The following PBX1 variants were observed in gnomAD, a reference collection of about 807,000 sequenced individuals.
PBX1 encodes pre-B-cell leukemia transcription factor 1.
PBX1 carries 6 observed loss-of-function variants against 53.4 expected under a neutral mutation model. That is an observed-to-expected ratio of 0.11 (90% CI 0.06 to 0.22). The LOEUF (loss-of-function observed/expected upper bound fraction) is 0.22. Ranked by LOEUF, PBX1 falls within the 10% of genes least tolerant of loss-of-function variation. The pLI is 1.00. For missense variants in PBX1, 251 were observed against 551.4 expected, an observed-to-expected ratio of 0.46 and a Z score of 5.46; for synonymous variants, 204 against 212.3, an observed-to-expected ratio of 0.96 and a Z score of 0.34.
At chr1:164,579,271 C>T (rs1169397625) in intron 2 of PBX1, among the ~76,000 whole-genome samples, 1 of 152,170 alleles carries the variant, frequency 6.6e-6, no homozygotes, top group East Asian at 1.9e-4. Context: ...TACATGTAGA[C>T]AATTTGTGCA....
At chr1:164,846,310 G>T (rs920464596) in intron 8 of PBX1, among the ~76,000 whole-genome samples, 1 of 152,140 alleles carries the variant, frequency 6.6e-6, no homozygotes, top group Non-Finnish European at 1.5e-5. Flanking sequence ...TTCACTGCTG[G>T]CTGGGACTTA....
chr1:164,655,109 T>TA (rs1553225110), intron 2 of PBX1, among the ~76,000 whole-genome samples: 1 of 150,680 alleles, frequency 6.6e-6, no homozygotes, highest in African/African-American at 2.5e-5. Flanking sequence ...TGTTTTTTTT[T>TA]TTTTTTTATT....
chr1:164,819,961 T>C (rs1670070852), intron 6 of PBX1, 111 bp from the exon 7 acceptor site: 1 of 651,330 alleles, frequency 1.5e-6, no homozygotes, highest in South Asian at 1.9e-5. Flanking sequence ...TTTATTTTAG[T>C]TTTTATTTGG....
intron 1 of PBX1, chr1:164,560,363 A>AAAGTAAC: frequency 2.5e-6 from 1 of 397,114 alleles, no homozygotes; most frequent in Non-Finnish European, 4.4e-6. Flanking sequence ...GTATCAGAGA[A>AAAGTAAC]AGCAGAATTG....
At chr1:164,742,814 T>C (rs1665682460) in intron 2 of PBX1, among the ~76,000 whole-genome samples, 1 of 152,228 alleles carries the variant, frequency 6.6e-6, no homozygotes, top group Admixed American at 6.5e-5. Context: ...TTTATTTAAA[T>C]ATCTACAGAA....
intron 8 of PBX1, among the ~76,000 whole-genome samples, chr1:164,835,481 A>G (rs1375494827): frequency 2.0e-5 from 3 of 151,904 alleles, no homozygotes; most frequent in Non-Finnish European, 4.4e-5. Flanking sequence ...CACACCCTCA[A>G]CTGTTTTTCA....
intron 2 of PBX1, among the ~76,000 whole-genome samples, chr1:164,718,863 G>C (rs943914124): frequency 6.6e-6 from 1 of 152,186 alleles, no homozygotes; most frequent in Non-Finnish European, 1.5e-5. Flanking sequence ...GTTGTGACTT[G>C]CAAGTAAGGC....
chr1:164,878,917 G>A (rs545545835), intron 2 of PBX1, among the ~76,000 whole-genome samples: 9 of 152,232 alleles, frequency 5.9e-5, no homozygotes, highest in South Asian at 2.1e-4. Context: ...TATGGCAGCC[G>A]GAGCATAATC....
At chr1:164,654,163 A>G (rs925533109) in intron 2 of PBX1, among the ~76,000 whole-genome samples, 1 of 152,168 alleles carries the variant, frequency 6.6e-6, no homozygotes, top group Non-Finnish European at 1.5e-5. Context: ...CATTTTGTAG[A>G]TGGGGACAAT....
intron 2 of PBX1, among the ~76,000 whole-genome samples, chr1:164,788,388 T>G (rs1668308438): frequency 8.5e-6 from 1 of 117,546 alleles, no homozygotes; most frequent in African/African-American, 4.2e-5. Context: ...ATGTTGGTGT[T>G]TTTTTTTTTT....
Position 164,727,904 on chromosome 1 carries a change from G to C in PBX1, c.266-64590G>C, listed in dbSNP as rs560254156. Among the ~76,000 whole-genome samples, 3 of 152,326 alleles carry C rather than the reference G, an allele frequency of 2.0e-5. No individual in the cohort carries two copies. In the South Asian group the frequency reaches 6.2e-4, roughly 32 times the overall value. ...GGTTCTTAACCTCATTGATGTTTTA[G>C]TGTGACTTGTCTACATTTGTGTGCT... On this transcript the variant is annotated intron_variant, in intron 2 of 8. Coordinates refer to ENST00000420696, the MANE Select transcript of PBX1 (RefSeq NM_002585.4).
At chr1:164,707,457 A>AGAGAGAGAG (rs1663502602) in intron 2 of PBX1, among the ~76,000 whole-genome samples, 1 of 100,944 alleles carries the variant, frequency 9.9e-6, no homozygotes, top group African/African-American at 4.5e-5. Flanking sequence ...GAGAGAGAGA[A>AGAGAGAGAG]AGTGCTGAAT....
chr1:164,693,544 A>G (rs1400080359), intron 2 of PBX1, among the ~76,000 whole-genome samples: 1 of 151,950 alleles, frequency 6.6e-6, no homozygotes, highest in Non-Finnish European at 1.5e-5. Flanking sequence ...CTTCTTTCCT[A>G]CCACACCTGA....
At position 164,715,227 on chromosome 1, in the gene PBX1, G is replaced by T. The variant is rs373766949; in HGVS notation, c.266-77267G>T. On this transcript the variant is annotated intron_variant, in intron 2 of 8. Transcript: ENST00000420696. ...AAATGATTTTTCTTCTAAGTTGTGT[G>T]CACATTCTCAGCCATTCATTTGTTA... Among the ~76,000 whole-genome samples, 10 of 152,266 alleles carry T rather than the reference G, an allele frequency of 6.6e-5. No homozygotes were observed. In the East Asian group the frequency reaches 1.5e-3, roughly 23 times the overall value.
chr1:164,591,804 C>A (rs964109579), intron 2 of PBX1, among the ~76,000 whole-genome samples: 1 of 152,196 alleles, frequency 6.6e-6, no homozygotes, highest in Non-Finnish European at 1.5e-5. Flanking sequence ...CTACCCTGAG[C>A]CTGAGAGTAA....
intron 2 of PBX1, among the ~76,000 whole-genome samples, chr1:164,659,728 A>G (rs1312015520): frequency 6.6e-6 from 1 of 152,182 alleles, no homozygotes; most frequent in African/African-American, 2.4e-5. Context: ...AACGCCAGCC[A>G]TGCCCAGTCT....
intron 2 of PBX1, among the ~76,000 whole-genome samples, chr1:164,695,611 A>G (rs1332911084): frequency 6.6e-6 from 1 of 152,190 alleles, no homozygotes; most frequent in East Asian, 1.9e-4. Flanking sequence ...GTAGCTTATA[A>G]TAATTACATG....
At chr1:164,822,428 T>TAA (rs1429443919) in intron 8 of PBX1, among the ~76,000 whole-genome samples, 1 of 151,856 alleles carries the variant, frequency 6.6e-6, no homozygotes, top group Non-Finnish European at 1.5e-5. Context: ...TGAAGAAAGG[T>TAA]TTGGGTGGTG....
At chr1:164,779,072 C>A (rs920387056) in intron 2 of PBX1, among the ~76,000 whole-genome samples, 5 of 142,512 alleles carry the variant, frequency 3.5e-5, no homozygotes, top group African/African-American at 1.0e-4. Context: ...GAGACGGAGT[C>A]TCACTCTGTC....
Sources: allele counts gnomAD v4.1 joint callset (sites outside exome capture counted in the v4.1 genomes callset), GRCh38; gene constraint gnomAD v4.1.1; transcripts MANE v1.5; gene names NCBI Gene and HGNC (gene_info 2026-07-23, HGNC 2026-07-21).